The following KCNH8 variants were observed in gnomAD, a reference collection of about 807,000 sequenced individuals.
The protein encoded by KCNH8 is potassium voltage-gated channel subfamily H member 8, also known as voltage-gated delayed rectifier potassium channel KCNH8.
KCNH8 carries 70 observed loss-of-function variants against 103.6 expected under a neutral mutation model. The observed-to-expected ratio is 0.68, with a 90% CI of 0.56 to 0.82. KCNH8 has a LOEUF of 0.82. KCNH8 is among the 40% of genes least tolerant of loss of function. The pLI, the probability that KCNH8 is intolerant of heterozygous loss-of-function variation, is 0.00. For missense variants in KCNH8, 1,217 were observed against 1,329.9 expected, an observed-to-expected ratio of 0.92 and a Z score of 1.32; for synonymous variants, 498 against 489.4, an observed-to-expected ratio of 1.02 and a Z score of -0.23.
At chr3:19,321,518 A>C (rs546239993) in intron 3 of KCNH8, among the ~76,000 whole-genome samples, 2 of 151,934 alleles carry the variant, frequency 1.3e-5, no homozygotes, top group South Asian at 4.1e-4. Flanking sequence ...TTGATTTCCA[A>C]TTTTATTCCA....
At chr3:19,431,828 C>T (rs185499954) in intron 7 of KCNH8, among the ~76,000 whole-genome samples, 70 of 152,002 alleles carry the variant, frequency 4.6e-4, no homozygotes, top group East Asian at 1.5e-3. Context: ...TTTGTTTTTT[C>T]GTGGGGTCAG....
chr3:19,466,674 T>C (rs1364955558), intron 11 of KCNH8, among the ~76,000 whole-genome samples: 3 of 141,642 alleles, frequency 2.1e-5, no homozygotes, highest in Non-Finnish European at 1.5e-5. Flanking sequence ...TTTTTTTTTT[T>C]TTTTTTTAGA....
intron 3 of KCNH8, among the ~76,000 whole-genome samples, chr3:19,338,077 T>G (rs2065609561): frequency 6.6e-6 from 1 of 152,062 alleles, no homozygotes; most frequent in South Asian, 2.1e-4. Flanking sequence ...AAAAATAATT[T>G]AGGCTTTTTT....
intron 8 of KCNH8, among the ~76,000 whole-genome samples, chr3:19,439,081 A>G (rs958631346): frequency 1.3e-5 from 2 of 152,090 alleles, no homozygotes; most frequent in Non-Finnish European, 2.9e-5. Flanking sequence ...ATTTTATAAG[A>G]CTCAATGAAA....
At chr3:19,407,451 A>G (rs1466962865) in intron 7 of KCNH8, among the ~76,000 whole-genome samples, 1 of 152,030 alleles carries the variant, frequency 6.6e-6, no homozygotes, top group Admixed American at 6.6e-5. Context: ...CTCCACACCT[A>G]CGCAGATCTC....
chr3:19,500,558 G>T (rs938130325), intron 11 of KCNH8, among the ~76,000 whole-genome samples: 2 of 152,098 alleles, frequency 1.3e-5, no homozygotes, highest in Non-Finnish European at 2.9e-5. Context: ...AAATGTAAAA[G>T]AACAGAAATT....
intron 5 of KCNH8, among the ~76,000 whole-genome samples, chr3:19,362,413 G>C (rs2065958818): frequency 6.6e-6 from 1 of 152,046 alleles, no homozygotes; most frequent in Non-Finnish European, 1.5e-5. Context: ...GGTTTGTCCA[G>C]ATTCATCTCA....
chr3:19,158,185 A>G (rs571739643), intron 1 of KCNH8, among the ~76,000 whole-genome samples: 1 of 151,524 alleles, frequency 6.6e-6, no homozygotes, highest in Non-Finnish European at 1.5e-5. Context: ...AGACTTAAGA[A>G]TTGGACAAAT....
intron 11 of KCNH8, among the ~76,000 whole-genome samples, chr3:19,460,758 C>T (rs528553380): frequency 1.3e-5 from 2 of 152,252 alleles, no homozygotes; most frequent in Non-Finnish European, 2.9e-5. Context: ...CCCCACATAT[C>T]ATGGGAAGGA....
chr3:19,496,792 C>A (rs938563718), intron 11 of KCNH8, among the ~76,000 whole-genome samples: 1 of 152,046 alleles, frequency 6.6e-6, no homozygotes, highest in Non-Finnish European at 1.5e-5. Flanking sequence ...ATACATCTGG[C>A]AGAATTTGGC....
intron 11 of KCNH8, among the ~76,000 whole-genome samples, chr3:19,500,199 T>C (rs1317620087): frequency 6.6e-6 from 1 of 152,184 alleles, no homozygotes; most frequent in Non-Finnish European, 1.5e-5. Flanking sequence ...AGAACGCCAT[T>C]ACTTAATGGT....
chr3:19,352,753 T>TA (rs1169015408), intron 5 of KCNH8, among the ~76,000 whole-genome samples: 8 of 152,186 alleles, frequency 5.3e-5, no homozygotes, highest in Non-Finnish European at 1.0e-4. Context: ...GGGAAATTTA[T>TA]AGCACTAAAT....
intron 15 of KCNH8, among the ~76,000 whole-genome samples, chr3:19,518,371 A>G (rs894240935): frequency 1.3e-5 from 2 of 152,042 alleles, no homozygotes; most frequent in African/African-American, 2.4e-5. Context: ...TGTCTTAGAT[A>G]TATGCATATT....
At chr3:19,149,342 C>T (rs1559397324) in intron 1 of KCNH8, among the ~76,000 whole-genome samples, 1 of 151,982 alleles carries the variant, frequency 6.6e-6, no homozygotes, top group Non-Finnish European at 1.5e-5. Context: ...TGCTTTTGAG[C>T]TAGAATAGCG....
intron 5 of KCNH8, among the ~76,000 whole-genome samples, chr3:19,348,772 G>A (rs1046661223): frequency 6.6e-6 from 1 of 151,998 alleles, no homozygotes; most frequent in African/African-American, 2.4e-5. Flanking sequence ...AAGATGAGAG[G>A]ATGTTTGGAA....
intron 7 of KCNH8, among the ~76,000 whole-genome samples, chr3:19,401,422 A>G (rs577345056): frequency 6.6e-6 from 1 of 152,174 alleles, no homozygotes; most frequent in African/African-American, 2.4e-5. Context: ...AAGGAGGTCT[A>G]TCTAAAAGCA....
At chr3:19,153,206 G>A (rs1245032120) in intron 1 of KCNH8, among the ~76,000 whole-genome samples, 1 of 152,034 alleles carries the variant, frequency 6.6e-6, no homozygotes, top group African/African-American at 2.4e-5. Context: ...ACAGGAATTG[G>A]ATTTATGTCT....
chr3:19,491,132 T>A (rs2068310737), intron 11 of KCNH8, among the ~76,000 whole-genome samples: 1 of 152,156 alleles, frequency 6.6e-6, no homozygotes, highest in Non-Finnish European at 1.5e-5. Context: ...TGCTGGGAAG[T>A]TACTAATTAT....
At position 19,534,187 on chromosome 3, in the gene KCNH8, G is replaced by C; in HGVS notation, c.*88G>C. 2.1e-6 allele frequency: 2 copies of C among 951,288 alleles called. No individual in the cohort carries two copies. The highest frequency in any genetic ancestry group is 1.6e-6 in the Non-Finnish European group (1 of 631,620). The allele number at this position is 951,288 out of a possible 1,614,324, so 58.9% of individuals were successfully genotyped here. On this transcript the variant is annotated 3_prime_UTR_variant, in exon 16 of 16. Coordinates refer to ENST00000328405, the MANE Select transcript of KCNH8 (RefSeq NM_144633.3). ...CCTTTTTGCCTCTGGTGGGCATGAA[G>C]ACTGAGCAAAGCTGGGAATCCTGCA... is the stretch of plus-strand genomic sequence containing the variant.
Sources: allele counts gnomAD v4.1 joint callset (sites outside exome capture counted in the v4.1 genomes callset), GRCh38; gene constraint gnomAD v4.1.1; transcripts MANE v1.5; gene names NCBI Gene and HGNC (gene_info 2026-07-23, HGNC 2026-07-21).